The following TMEM71 variants were observed in gnomAD, a reference collection of about 807,000 sequenced individuals.
TMEM71 encodes the protein transmembrane protein 71.
Under a neutral mutation model 38.0 loss-of-function variants are expected in TMEM71, and 44 were observed. The observed-to-expected ratio is 1.16, with a 90% CI of 0.91 to 1.49. The LOEUF (loss-of-function observed/expected upper bound fraction) is 1.49, where lower values mean the gene tolerates loss of function less well. Ranked by LOEUF, TMEM71 falls within the 40% of genes most tolerant of loss-of-function variation. The pLI, the probability that TMEM71 is intolerant of heterozygous loss-of-function variation, is 0.00. For missense variants in TMEM71, 367 were observed against 348.6 expected (o/e 1.05, Z -0.42); for synonymous variants, 133 against 122.5 (o/e 1.09, Z -0.56).
At chr8:132,732,199 T>C (rs946092970) in intron 5 of TMEM71, among the ~76,000 whole-genome samples, 2 of 152,148 alleles carry the variant, frequency 1.3e-5, no homozygotes, top group South Asian at 2.1e-4. Flanking sequence ...GAACAAGTTA[T>C]CCAGTGGGAA....
chr8:132,723,986 T>A (rs377512983), intron 6 of TMEM71, among the ~76,000 whole-genome samples: 6 of 152,176 alleles, frequency 3.9e-5, no homozygotes, highest in African/African-American at 1.4e-4. Flanking sequence ...GATGCCCACC[T>A]GAGCCGTAAA....
At chr8:132,716,584 A>T (rs1414808978) in intron 7 of TMEM71, among the ~76,000 whole-genome samples, 1 of 152,226 alleles carries the variant, frequency 6.6e-6, no homozygotes, top group African/African-American at 2.4e-5. Flanking sequence ...GATTTAAACT[A>T]TATGGGAGGA....
chr8:132,740,928 C>T (rs1470747260), intron 5 of TMEM71, among the ~76,000 whole-genome samples: 2 of 152,154 alleles, frequency 1.3e-5, no homozygotes, highest in Non-Finnish European at 2.9e-5. Flanking sequence ...TTCAAAAGGC[C>T]TTGCATGCTG....
the TMEM71 span, among the ~76,000 whole-genome samples, chr8:132,766,278 T>C: frequency 6.6e-6 from 1 of 152,008 alleles, no homozygotes; most frequent in Admixed American, 6.6e-5. Context: ...TTTCTACCCA[T>C]ATTTCCTTGG....
At chr8:132,766,794 AATAAAAAT>A in the TMEM71 span, among the ~76,000 whole-genome samples, 3 of 75,506 alleles carry the variant, frequency 4.0e-5, no homozygotes, top group Admixed American at 1.5e-4. Context: ...AAAAAAAAAA[AATAAAAAT>A]AAAAAAGATG....
At chr8:132,741,838 G>A (rs1443287880) in intron 5 of TMEM71, among the ~76,000 whole-genome samples, 2 of 152,192 alleles carry the variant, frequency 1.3e-5, no homozygotes, top group Non-Finnish European at 2.9e-5. Context: ...TCCACAAGAG[G>A]TGGAGGAGCA....
downstream of TMEM71, among the ~76,000 whole-genome samples, chr8:132,708,539 C>T (rs942782708): frequency 2.0e-5 from 3 of 152,202 alleles, no homozygotes; most frequent in Non-Finnish European, 4.4e-5. Context: ...TCTTTAACTG[C>T]GTCCTCTGCA....
chr8:132,750,204 T>C (rs888115162), intron 4 of TMEM71, among the ~76,000 whole-genome samples: 19 of 152,198 alleles, frequency 1.2e-4, no homozygotes, highest in African/African-American at 4.6e-4. Flanking sequence ...GTGGTGCTTC[T>C]TTTCATTGAA....
intron 7 of TMEM71, among the ~76,000 whole-genome samples, chr8:132,721,805 G>A (rs958756935): frequency 1.1e-4 from 17 of 151,896 alleles, no homozygotes; most frequent in African/African-American, 2.4e-4. Flanking sequence ...CAAAGTTCTC[G>A]GATTACAGGC....
upstream of TMEM71, among the ~76,000 whole-genome samples, chr8:132,765,340 G>C (rs1829351414): frequency 6.6e-6 from 1 of 152,150 alleles, no homozygotes; most frequent in South Asian, 2.1e-4. Flanking sequence ...CTTGATGTAA[G>C]GACTCGGCCC....
chr8:132,728,204 T>C (rs1488463007), intron 5 of TMEM71, among the ~76,000 whole-genome samples: 1 of 152,158 alleles, frequency 6.6e-6, no homozygotes, highest in Non-Finnish European at 1.5e-5. Context: ...AAGACTTTCC[T>C]GAGACTGGGT....
At chr8:132,717,672 G>T (rs544276993) in intron 7 of TMEM71, among the ~76,000 whole-genome samples, 1 of 152,180 alleles carries the variant, frequency 6.6e-6, no homozygotes, top group East Asian at 1.9e-4. Context: ...CAGTCCTATT[G>T]GAAAACGTTT....
At chr8:132,761,257 A>T (rs999609092), upstream of TMEM71, among the ~76,000 whole-genome samples, 1 of 151,992 alleles carries the variant, frequency 6.6e-6, no homozygotes, top group Non-Finnish European at 1.5e-5. Flanking sequence ...GGGTCACAAG[A>T]CAGAAATTCA....
the TMEM71 span, among the ~76,000 whole-genome samples, chr8:132,774,852 TC>T: frequency 3.3e-5 from 5 of 152,364 alleles, no homozygotes; most frequent in Admixed American, 3.3e-4. Context: ...GTAATATTCG[TC>T]TTTGTATTGT....
At chr8:132,733,612 T>C (rs977011685) in intron 5 of TMEM71, among the ~76,000 whole-genome samples, 89 of 152,268 alleles carry the variant, frequency 5.8e-4, no homozygotes, top group African/African-American at 1.9e-3. Flanking sequence ...TGTGGATGCA[T>C]CCCTGCTGGT....
chr8:132,708,663 T>C (rs1213076753), downstream of TMEM71, among the ~76,000 whole-genome samples: 1 of 152,202 alleles, frequency 6.6e-6, no homozygotes, highest in Non-Finnish European at 1.5e-5. Flanking sequence ...CTGGAACCTA[T>C]GACTAGATTA....
chr8:132,747,643 T>C (rs1048878903), intron 4 of TMEM71, among the ~76,000 whole-genome samples: 1 of 152,144 alleles, frequency 6.6e-6, no homozygotes, highest in African/African-American at 2.4e-5. Flanking sequence ...TCTGAAAGGA[T>C]TACCTAGAGG....
chr8:132,737,084 C>T (rs376878654), intron 5 of TMEM71, among the ~76,000 whole-genome samples: 1 of 152,040 alleles, frequency 6.6e-6, no homozygotes, highest in Non-Finnish European at 1.5e-5. Flanking sequence ...GAATATTGGT[C>T]GTCAGGGGCT....
At chr8:132,724,457 A>T (rs1281109719) in intron 6 of TMEM71, among the ~76,000 whole-genome samples, 1 of 152,154 alleles carries the variant, frequency 6.6e-6, no homozygotes, top group Admixed American at 6.5e-5. Flanking sequence ...TTGCACATCC[A>T]TTTATAGGCT....
Sources: allele counts gnomAD v4.1 joint callset (sites outside exome capture counted in the v4.1 genomes callset), GRCh38; gene constraint gnomAD v4.1.1; transcripts MANE v1.5; gene names NCBI Gene and HGNC (gene_info 2026-07-23, HGNC 2026-07-21).